PLCB1: variants seen among roughly 807,000 people sequenced by gnomAD.
The protein encoded by PLCB1 is phospholipase C beta 1.
PLCB1 carries 46 observed loss-of-function variants against 161.8 expected under a neutral mutation model. The ratio of observed to expected loss-of-function variants is 0.28; its 90% CI spans 0.22 to 0.36. The LOEUF is 0.36. Ranked by LOEUF, PLCB1 falls within the 10% of genes least tolerant of loss-of-function variation. The pLI, the probability that PLCB1 is intolerant of heterozygous loss-of-function variation, is 1.00. For synonymous variants in PLCB1, 517 were observed against 503.7 expected, an observed-to-expected ratio of 1.03 and a Z score of -0.35; for missense variants, 1,016 against 1,472.5, an observed-to-expected ratio of 0.69 and a Z score of 5.07.
At chr20:8,162,179 T>C (rs1391708328) in intron 2 of PLCB1, among the ~76,000 whole-genome samples, 1 of 152,238 alleles carries the variant, frequency 6.6e-6, no homozygotes, top group African/African-American at 2.4e-5. Context: ...GTTTGTTTTA[T>C]CGTTACCAAA....
chr20:8,879,449 G>C lies in PLCB1; in HGVS notation c.3424-2173G>C, dbSNP rs577994543. Among the ~76,000 whole-genome samples the C allele has an allele frequency of 2.0e-5, 3 of 152,220 alleles. No homozygotes were observed. The South Asian group carries it at 6.2e-4, about 32-fold the overall frequency. On this transcript the variant is annotated intron_variant, in intron 31 of 31. Coordinates refer to ENST00000338037, the MANE Select transcript of PLCB1 (RefSeq NM_015192.4). ...AGCATAACACTCCAGGCAGACCTGA[G>C]TAATCCTCAAAATCAAACAAATTAA...
At chr20:8,541,908 G>T (rs1405150107) in intron 3 of PLCB1, among the ~76,000 whole-genome samples, 1 of 152,196 alleles carries the variant, frequency 6.6e-6, no homozygotes, top group Non-Finnish European at 1.5e-5. Flanking sequence ...ATCAGATAAA[G>T]AGGAACAAGG....
At chr20:8,197,727 T>C (rs1207866850) in intron 2 of PLCB1, among the ~76,000 whole-genome samples, 4 of 152,072 alleles carry the variant, frequency 2.6e-5, no homozygotes, top group Non-Finnish European at 5.9e-5. Context: ...GACATGAAGT[T>C]CTTGCCCATG....
chr20:8,304,466 T>TA (rs1415873958), intron 2 of PLCB1, among the ~76,000 whole-genome samples: 1 of 151,782 alleles, frequency 6.6e-6, no homozygotes, highest in Admixed American at 6.6e-5. Flanking sequence ...CCCTGTTGCT[T>TA]AAATCCATTG....
At chr20:8,776,164 T>C (rs1220839124) in intron 27 of PLCB1, among the ~76,000 whole-genome samples, 1 of 152,218 alleles carries the variant, frequency 6.6e-6, no homozygotes, top group African/African-American at 2.4e-5. Context: ...ACCATGGGGC[T>C]ATATTCTGTG....
At chr20:8,309,870 T>G (rs563510241) in intron 2 of PLCB1, among the ~76,000 whole-genome samples, 27 of 152,130 alleles carry the variant, frequency 1.8e-4, no homozygotes, top group Non-Finnish European at 2.9e-4. Context: ...CGCTAGCCAA[T>G]TAAGGGAGTT....
At chr20:8,206,649 T>C (rs1978547797) in intron 2 of PLCB1, among the ~76,000 whole-genome samples, 1 of 152,150 alleles carries the variant, frequency 6.6e-6, no homozygotes, top group Non-Finnish European at 1.5e-5. Flanking sequence ...TCATTATTTT[T>C]ATTCCTAAGA....
intron 2 of PLCB1, among the ~76,000 whole-genome samples, chr20:8,352,419 T>C (rs1986209606): frequency 6.6e-6 from 1 of 152,116 alleles, no homozygotes; most frequent in Non-Finnish European, 1.5e-5. Context: ...TATGCACGTA[T>C]GAGGTACTAT....
intron 3 of PLCB1, among the ~76,000 whole-genome samples, chr20:8,482,973 G>T (rs1982571542): frequency 6.6e-6 from 1 of 151,248 alleles, no homozygotes; most frequent in Non-Finnish European, 1.5e-5. Flanking sequence ...AGGAAATGAT[G>T]GTGGGAAAAA....
In PLCB1 at chr20:8,757,082, G is replaced by C. The variant is rs1227346164; in HGVS notation, c.2560G>C (p.Glu854Gln). The change falls in exon 24 of 32, where the codon GAA becomes CAA. Residue 854 changes from glutamate (E) to glutamine (Q), a missense_variant. Glu to Gln is a conservative substitution (Grantham distance 29, BLOSUM62 2). Around this residue, in one of 10 missense-constraint regions of PLCB1, gnomAD observed 398 missense variants for 445.4 expected, o/e 0.89. Transcript: ENST00000338037. Reference protein sequence around the residue: ...PGETPSEAPSEARTTPAENGV... With the variant: ...PGETPSEAPSQARTTPAENGV... ...AGAAACACCATCAGAGGCTCCAAGT[G>C]AAGCGAGAACGACTCCAGCAGAAAA... is the stretch of plus-strand genomic sequence containing the variant. 6.2e-7 allele frequency: 1 copy of C among 1,612,652 alleles called. No individual in the cohort carries two copies. The highest frequency in any genetic ancestry group is 8.5e-7 in the Non-Finnish European group (1 of 1,179,006).
Position 8,760,393 on chromosome 20 carries a change from C to T in PLCB1, c.2657-14C>T, listed in dbSNP as rs747747895. 6.4e-7 allele frequency: 1 copy of T among 1,563,620 alleles called. No individual in the cohort carries two copies. Among genetic ancestry groups the T allele is most frequent in the South Asian group, 1.1e-5 (1 of 88,348 alleles). ...AAGTTGAAGAGGCTATTTATTTTAT[C>T]TTTTATATTACAGGTTCTGTAAAGG... On this transcript the variant is annotated splice_polypyrimidine_tract_variant and intron_variant, in intron 24 of 31. Transcript: ENST00000338037.
At chr20:8,376,736 G>A (rs1047991672) in intron 3 of PLCB1, among the ~76,000 whole-genome samples, 33 of 152,144 alleles carry the variant, frequency 2.2e-4, no homozygotes, top group African/African-American at 7.7e-4. Context: ...AGACCATCCT[G>A]GCTAACACAG....
chr20:8,275,286 T>A (rs78606262), intron 2 of PLCB1, among the ~76,000 whole-genome samples: 2,288 of 151,716 alleles, frequency 0.015, 66 homozygotes, highest in African/African-American at 0.052. Flanking sequence ...TGTGTGTGTG[T>A]GAAGCGGCAC....
intron 2 of PLCB1, among the ~76,000 whole-genome samples, chr20:8,294,865 T>G (rs112555799): frequency 5.3e-5 from 8 of 152,074 alleles, no homozygotes; most frequent in African/African-American, 1.9e-4. Flanking sequence ...GTTAATAATG[T>G]CAACTTAAAT....
At chr20:8,706,587 T>G (rs1347636763) in intron 11 of PLCB1, among the ~76,000 whole-genome samples, 1 of 152,148 alleles carries the variant, frequency 6.6e-6, no homozygotes, top group Non-Finnish European at 1.5e-5. Flanking sequence ...ATCCAGCCCT[T>G]TTTTTCCACA....
At chr20:8,145,816 T>C (rs79416870) in intron 1 of PLCB1, among the ~76,000 whole-genome samples, 2,188 of 152,332 alleles carry the variant, frequency 0.014, 59 homozygotes, top group African/African-American at 0.05. Context: ...GAATACTATA[T>C]TTAATTTAAT....
At chr20:8,223,090 T>C (rs1979498871) in intron 2 of PLCB1, among the ~76,000 whole-genome samples, 1 of 152,178 alleles carries the variant, frequency 6.6e-6, no homozygotes, top group South Asian at 2.1e-4. Flanking sequence ...AGTGCCTCTG[T>C]TAAGTGGAAT....
chr20:8,139,877 T>C (rs1382120997), intron 1 of PLCB1, among the ~76,000 whole-genome samples: 2 of 152,224 alleles, frequency 1.3e-5, no homozygotes, highest in African/African-American at 2.4e-5. Context: ...AGACTCCTTT[T>C]TGACGAACAT....
At chr20:8,745,388 T>C (rs975043434) in intron 23 of PLCB1, among the ~76,000 whole-genome samples, 4 of 152,166 alleles carry the variant, frequency 2.6e-5, no homozygotes, top group African/African-American at 9.6e-5. Flanking sequence ...TTTAGTATCA[T>C]CATTTTAATG....
Sources: allele counts gnomAD v4.1 joint callset (sites outside exome capture counted in the v4.1 genomes callset), GRCh38; gene constraint gnomAD v4.1.1; regional missense constraint gnomAD v4.1.1; transcripts MANE v1.5; gene names NCBI Gene and HGNC (gene_info 2026-07-23, HGNC 2026-07-21).